Variants in FAM83B observed in about 807,000 individuals in gnomAD.
FAM83B encodes scaffolding CK1 anchoring protein B.
Under a neutral mutation model 38.8 loss-of-function variants are expected in FAM83B, and 26 were observed. The observed-to-expected ratio is 0.67, with a 90% CI of 0.49 to 0.93. FAM83B has a LOEUF of 0.93. Ranked by LOEUF, FAM83B falls within the 40% of genes least tolerant of loss-of-function variation. The probability of loss-of-function intolerance (pLI) is 0.00; values close to 1 mark genes in which losing one functional copy is unlikely to be tolerated. For synonymous variants in FAM83B, 419 were observed against 423.1 expected (o/e 0.99, Z 0.12); for missense variants, 1,237 against 1,197.3 (o/e 1.03, Z -0.49).
chr6:54,866,084 C>G (rs1428424014), intron 1 of FAM83B, among the ~76,000 whole-genome samples: 1 of 151,712 alleles, frequency 6.6e-6, no homozygotes, highest in Non-Finnish European at 1.5e-5. Context: ...TACATCTGCC[C>G]AAACTGAGGC....
intron 1 of FAM83B, among the ~76,000 whole-genome samples, chr6:54,862,058 G>T (rs1328802875): frequency 6.6e-6 from 1 of 152,098 alleles, no homozygotes; most frequent in African/African-American, 2.4e-5. Context: ...CAGACATTAG[G>T]GTCTAAGAAA....
intron 2 of FAM83B, among the ~76,000 whole-genome samples, chr6:54,883,616 G>A (rs530724831): frequency 2.0e-5 from 3 of 151,962 alleles, no homozygotes; most frequent in African/African-American, 7.2e-5. Flanking sequence ...GATTACAGGC[G>A]TGAGCCACCG....
chr6:54,921,637 A>C (rs1773171454), intron 2 of FAM83B, among the ~76,000 whole-genome samples: 1 of 152,040 alleles, frequency 6.6e-6, no homozygotes, highest in Non-Finnish European at 1.5e-5. Context: ...TAAGAAATAT[A>C]TAATGTCATG....
intron 2 of FAM83B, among the ~76,000 whole-genome samples, chr6:54,900,492 A>G (rs144085818): frequency 6.6e-6 from 1 of 152,342 alleles, no homozygotes; most frequent in African/African-American, 2.4e-5. Flanking sequence ...TCTGTTTCAT[A>G]GTTCAAAAAT....
chr6:54,909,314 A>T (rs1772851155), intron 2 of FAM83B, among the ~76,000 whole-genome samples: 1 of 152,178 alleles, frequency 6.6e-6, no homozygotes, highest in South Asian at 2.1e-4. Context: ...AACAGTCCAT[A>T]TATTCCAATC....
At chr6:54,880,470 A>C (rs982756709) in intron 2 of FAM83B, among the ~76,000 whole-genome samples, 1 of 100,644 alleles carries the variant, frequency 9.9e-6, no homozygotes, top group Non-Finnish European at 1.9e-5. Flanking sequence ...TTTGAGACGG[A>C]GTCTCGCTTT....
chr6:54,876,451 A>T (rs111854319), intron 2 of FAM83B, among the ~76,000 whole-genome samples: 3,766 of 149,188 alleles, frequency 0.025, 175 homozygotes, highest in African/African-American at 0.088. Context: ...CAGCCTCCCT[A>T]GTATCTGGGA....
intron 4 of FAM83B, among the ~76,000 whole-genome samples, chr6:54,932,914 G>A (rs1387716591): frequency 2.6e-5 from 4 of 152,110 alleles, no homozygotes; most frequent in African/African-American, 9.7e-5. Flanking sequence ...AAACAGGTCT[G>A]ATTATAATGT....
At chr6:54,877,859 G>A (rs903161881) in intron 2 of FAM83B, among the ~76,000 whole-genome samples, 2 of 152,194 alleles carry the variant, frequency 1.3e-5, no homozygotes, top group Non-Finnish European at 2.9e-5. Context: ...CCTAATCGGA[G>A]GTGTTTGAAG....
chr6:54,888,021 T>G (rs1282051358), intron 2 of FAM83B, among the ~76,000 whole-genome samples: 1 of 150,922 alleles, frequency 6.6e-6, no homozygotes, highest in Non-Finnish European at 1.5e-5. Context: ...TTTTTTGTTT[T>G]TTTTTTTTTC....
intron 2 of FAM83B, among the ~76,000 whole-genome samples, chr6:54,887,981 T>G (rs1772317389): frequency 6.6e-6 from 1 of 151,096 alleles, no homozygotes; most frequent in Admixed American, 6.6e-5. Context: ...TACTGATTTC[T>G]TTTACTCACC....
At chr6:54,894,687 GT>G (rs1394015958) in intron 2 of FAM83B, among the ~76,000 whole-genome samples, 1 of 152,090 alleles carries the variant, frequency 6.6e-6, no homozygotes, top group Non-Finnish European at 1.5e-5. Flanking sequence ...TGCTACTTAA[GT>G]TTTTTTGTGT....
At chr6:54,885,150 G>T (rs992328641) in intron 2 of FAM83B, among the ~76,000 whole-genome samples, 2 of 151,750 alleles carry the variant, frequency 1.3e-5, no homozygotes, top group South Asian at 2.1e-4. Context: ...GAATCATCTT[G>T]TCAACTTTCC....
intron 1 of FAM83B, among the ~76,000 whole-genome samples, chr6:54,855,502 G>T (rs1469691411): frequency 7.2e-5 from 11 of 152,172 alleles, no homozygotes; most frequent in Admixed American, 7.2e-4. Flanking sequence ...TATTATCTGA[G>T]AAATCTGTCA....
At chr6:54,870,143 C>T (rs7765721) in intron 1 of FAM83B, 44 bp from the exon 2 acceptor site, 1 of 857,584 alleles carries the variant, frequency 1.2e-6, no homozygotes, top group Non-Finnish European at 1.8e-6. Context: ...CATTCTGTTA[C>T]CGAATTTTAA....
At chr6:54,914,885 C>A (rs1020930430) in intron 2 of FAM83B, among the ~76,000 whole-genome samples, 8 of 152,094 alleles carry the variant, frequency 5.3e-5, no homozygotes, top group Non-Finnish European at 1.0e-4. Context: ...GTTCCCATTT[C>A]TCCTTTGTGT....
At chr6:54,863,721 C>T (rs1425847472) in intron 1 of FAM83B, among the ~76,000 whole-genome samples, 1 of 152,198 alleles carries the variant, frequency 6.6e-6, no homozygotes, top group Non-Finnish European at 1.5e-5. Flanking sequence ...TTAAAACCTC[C>T]AAATTTATTG....
chr6:54,915,116 AG>A (rs1241860337), intron 2 of FAM83B, among the ~76,000 whole-genome samples: 1 of 151,718 alleles, frequency 6.6e-6, no homozygotes, highest in African/African-American at 2.4e-5. Context: ...GAGTTTCTAT[AG>A]TTAAAAAAAA....
chr6:54,889,227 G>A (rs915490652), intron 2 of FAM83B, among the ~76,000 whole-genome samples: 1 of 151,982 alleles, frequency 6.6e-6, no homozygotes, highest in Non-Finnish European at 1.5e-5. Context: ...TTACCTGTAA[G>A]CCTGTTTCTT....
Sources: gnomAD v4.1 joint callset for allele counts (sites outside exome capture counted in the v4.1 genomes callset) on GRCh38, gnomAD v4.1.1 for gene constraint, MANE v1.5 for transcripts, NCBI Gene and HGNC (gene_info 2026-07-23, HGNC 2026-07-21) for gene names.